Variants in TASP1 observed in about 807,000 individuals in gnomAD.
The protein encoded by TASP1 is threonine aspartase 1.
In TASP1, 16 loss-of-function variants were observed where a neutral mutation model predicts 56.6. The ratio of observed to expected loss-of-function variants is 0.28; its 90% CI spans 0.19 to 0.43. TASP1 has a LOEUF of 0.43. Among genes scored for constraint, TASP1 ranks in the 20% least tolerant of loss-of-function variants. The pLI, the probability that TASP1 is intolerant of heterozygous loss-of-function variation, is 1.00. For synonymous variants in TASP1, 179 were observed against 184.2 expected (o/e 0.97, Z 0.23); for missense variants, 393 against 511.6 (o/e 0.77, Z 2.24).
chr20:13,527,978 T>C (rs1310131928), intron 10 of TASP1, among the ~76,000 whole-genome samples: 1 of 151,968 alleles, frequency 6.6e-6, no homozygotes, highest in East Asian at 1.9e-4. Flanking sequence ...TCCCAGCACT[T>C]TGGGAGGCCT....
the TASP1 span, among the ~76,000 whole-genome samples, chr20:13,361,450 A>G: frequency 2.0e-5 from 3 of 152,132 alleles, no homozygotes; most frequent in Non-Finnish European, 4.4e-5. Flanking sequence ...ATCTTCAAGA[A>G]AAGTAGAATG....
chr20:13,323,230 G>A, the TASP1 span, among the ~76,000 whole-genome samples: 19 of 152,248 alleles, frequency 1.2e-4, no homozygotes, highest in African/African-American at 4.3e-4. Context: ...TTGTAAAGCA[G>A]GAGAAACACA....
intron 7 of TASP1, among the ~76,000 whole-genome samples, chr20:13,562,253 C>T (rs2046367751): frequency 6.6e-6 from 1 of 151,928 alleles, no homozygotes; most frequent in Non-Finnish European, 1.5e-5. Context: ...CAAAGTACAT[C>T]AAAAGCCTTA....
In TASP1 at chr20:13,534,145, C is replaced by T. The variant is rs373734419; in HGVS notation, c.676-4G>A. The T allele has an allele frequency of 1.2e-6, 2 of 1,613,112 alleles. No individual in the cohort carries two copies. Among genetic ancestry groups the T allele is most frequent in the Middle Eastern group, 1.7e-4 (1 of 6,050 alleles). On this transcript the variant is annotated splice_polypyrimidine_tract_variant and splice_region_variant and intron_variant, in intron 8 of 13. Transcript: ENST00000337743. The stretch of plus-strand genomic sequence containing the variant: ...CCAAAGTGCCTGAGTCATTTTCCTG[C>T]AGAGCAAAAGTGGCACAAGTATTCA...
At position 13,578,048 on chromosome 20, in the gene TASP1, T is replaced by G. The variant is rs144711070; in HGVS notation, c.488+2849A>C. Among the ~76,000 whole-genome samples the G allele has an allele frequency of 8.3e-4, 127 of 152,304 alleles. 1 individual carries two copies. Among genetic ancestry groups the G allele is most frequent in the African/African-American group, 2.8e-3 (115 of 41,570 alleles). ...AAATGCTGGAGCATACAGTGTCCCT[T>G]TTCAATTTGTACTTAATAAATAATA... is the stretch of plus-strand genomic sequence containing the variant. On this transcript the variant is annotated intron_variant, in intron 6 of 13. Transcript: ENST00000337743.
the TASP1 span, among the ~76,000 whole-genome samples, chr20:13,308,008 T>A: frequency 6.4e-4 from 97 of 152,320 alleles, no homozygotes; most frequent in African/African-American, 2.3e-3. Context: ...TCCAAAGTGG[T>A]TGTCCTGGTG....
intron 12 of TASP1, among the ~76,000 whole-genome samples, chr20:13,425,321 T>C: frequency 6.6e-6 from 1 of 152,220 alleles, no homozygotes. Context: ...ATCATCCACA[T>C]ATCATCCTGT....
At chr20:13,113,822 A>G in the TASP1 span, among the ~76,000 whole-genome samples, 1 of 152,240 alleles carries the variant, frequency 6.6e-6, no homozygotes, top group Non-Finnish European at 1.5e-5. Context: ...ACAATAAGTC[A>G]TCTATGTTGC....
chr20:13,430,083 A>G (rs908851202), intron 12 of TASP1, among the ~76,000 whole-genome samples: 2 of 152,170 alleles, frequency 1.3e-5, no homozygotes, highest in African/African-American at 4.8e-5. Flanking sequence ...ATGTAAAAGG[A>G]CACGCATCAT....
At chr20:13,478,059 A>G (rs1017449926) in intron 11 of TASP1, among the ~76,000 whole-genome samples, 1 of 152,154 alleles carries the variant, frequency 6.6e-6, no homozygotes, top group Non-Finnish European at 1.5e-5. Flanking sequence ...TTCAAATTGC[A>G]GTAAGAGAAA....
intron 8 of TASP1, among the ~76,000 whole-genome samples, chr20:13,542,942 A>C (rs928566720): frequency 4.6e-5 from 7 of 151,986 alleles, no homozygotes; most frequent in Non-Finnish European, 8.8e-5. Flanking sequence ...ACAAAGAAAA[A>C]GGGGGAAAAA....
chr20:13,352,564 T>C, the TASP1 span, among the ~76,000 whole-genome samples: 1 of 152,176 alleles, frequency 6.6e-6, no homozygotes, highest in South Asian at 2.1e-4. Flanking sequence ...CATATTACAT[T>C]CAATGAAGTG....
chr20:13,108,270 C>T, the TASP1 span, among the ~76,000 whole-genome samples: 1 of 152,224 alleles, frequency 6.6e-6, no homozygotes, highest in African/African-American at 2.4e-5. Flanking sequence ...GAAACACACA[C>T]ACACAAATAT....
chr20:13,343,451 C>A, the TASP1 span, among the ~76,000 whole-genome samples: 12 of 152,342 alleles, frequency 7.9e-5, no homozygotes, highest in Non-Finnish European at 1.6e-4. Context: ...CAGGGAGACG[C>A]CTCACACCAT....
the TASP1 span, among the ~76,000 whole-genome samples, chr20:13,362,980 G>C: frequency 1.3e-5 from 2 of 151,816 alleles, no homozygotes; most frequent in South Asian, 4.2e-4. Flanking sequence ...TAATACCCTT[G>C]TAGATTGGGG....
chr20:13,303,513 A>T, the TASP1 span, among the ~76,000 whole-genome samples: 1 of 152,302 alleles, frequency 6.6e-6, no homozygotes, highest in East Asian at 1.9e-4. Context: ...TGTTAGGTAG[A>T]GCTCAGGGGC....
the TASP1 span, among the ~76,000 whole-genome samples, chr20:13,176,586 G>T: frequency 6.6e-5 from 10 of 150,778 alleles, no homozygotes; most frequent in African/African-American, 9.7e-5. Context: ...ATTTTTTTTT[G>T]ATCTGTTGTT....
the TASP1 span, among the ~76,000 whole-genome samples, chr20:13,177,821 T>C: frequency 1.3e-5 from 2 of 152,132 alleles, no homozygotes; most frequent in African/African-American, 4.8e-5. Flanking sequence ...GAAGAAAACA[T>C]AGCAGAAATG....
At chr20:13,537,986 GACACC>G in intron 8 of TASP1, among the ~76,000 whole-genome samples, 1 of 151,112 alleles carries the variant, frequency 6.6e-6, no homozygotes, top group South Asian at 2.1e-4. Context: ...TCTGCCAAGA[GACACC>G]ATCTATCAGT....
Sources: gnomAD v4.1 joint callset for allele counts (sites outside exome capture counted in the v4.1 genomes callset) on GRCh38, gnomAD v4.1.1 for gene constraint, MANE v1.5 for transcripts, NCBI Gene and HGNC (gene_info 2026-07-23, HGNC 2026-07-21) for gene names.